GRIA2: variants seen among roughly 807,000 people sequenced by gnomAD.
GRIA2 encodes the protein glutamate receptor 2.
Under a neutral mutation model 97.3 loss-of-function variants are expected in GRIA2, and 14 were observed. The ratio of observed to expected loss-of-function variants is 0.14; its 90% CI spans 0.10 to 0.23. The LOEUF (loss-of-function observed/expected upper bound fraction) is 0.23. Ranked by LOEUF, GRIA2 falls within the 10% of genes least tolerant of loss-of-function variation. The probability of loss-of-function intolerance (pLI) is 1.00; values close to 1 mark genes in which losing one functional copy is unlikely to be tolerated. For synonymous variants in GRIA2, 412 were observed against 387.8 expected, an observed-to-expected ratio of 1.06 and a Z score of -0.73; for missense variants, 558 against 1,069.8, an observed-to-expected ratio of 0.52 and a Z score of 6.67.
At chr4:157,257,986 A>G (rs1460853573) in intron 2 of GRIA2, among the ~76,000 whole-genome samples, 1 of 152,096 alleles carries the variant, frequency 6.6e-6, no homozygotes, top group Non-Finnish European at 1.5e-5. Context: ...TTTCATGGAC[A>G]TTTATCACTT....
At chr4:157,261,291 A>G (rs1019205201) in intron 2 of GRIA2, among the ~76,000 whole-genome samples, 2 of 152,152 alleles carry the variant, frequency 1.3e-5, no homozygotes, top group African/African-American at 4.8e-5. Context: ...TATTCAGAAT[A>G]TGAGTATGCT....
At chr4:157,247,056 A>G (rs1164328183) in intron 2 of GRIA2, among the ~76,000 whole-genome samples, 1 of 152,186 alleles carries the variant, frequency 6.6e-6, no homozygotes, top group African/African-American at 2.4e-5. Flanking sequence ...TCATCAAGAT[A>G]AAGATGACAG....
chr4:157,305,616 C>T lies in GRIA2; in HGVS notation c.469+1825C>T, dbSNP rs143316302. 3.0e-4 allele frequency among the ~76,000 whole-genome samples: 45 copies of T among 152,194 alleles called. 2 individuals are homozygous for T. In the East Asian group the frequency reaches 8.5e-3, roughly 29 times the overall value. ...AATCCATTTGACCTTCTTTCACTTT[C>T]TCAGATGCACCAAACTCTTTCACTT... On this transcript the variant is annotated intron_variant, in intron 3 of 15. Transcript: ENST00000264426.
chr4:157,327,094 C>A (rs915607805), intron 6 of GRIA2, among the ~76,000 whole-genome samples: 1 of 152,082 alleles, frequency 6.6e-6, no homozygotes, highest in African/African-American at 2.4e-5. Flanking sequence ...AAATCGTAAT[C>A]ATTCATAGGT....
chr4:157,288,787 T>C (rs1314687955), intron 2 of GRIA2, among the ~76,000 whole-genome samples: 1 of 151,800 alleles, frequency 6.6e-6, no homozygotes, highest in East Asian at 1.9e-4. Flanking sequence ...ATTTCTATAT[T>C]CAGTAGTTTT....
intron 6 of GRIA2, among the ~76,000 whole-genome samples, chr4:157,332,520 C>G (rs1361201060): frequency 9.2e-6 from 1 of 108,508 alleles, no homozygotes; most frequent in Admixed American, 1.1e-4. Flanking sequence ...TAACAAGAAG[C>G]AGGTTAGAAA....
At chr4:157,234,285 A>G (rs1289735340) in intron 2 of GRIA2, among the ~76,000 whole-genome samples, 1 of 152,096 alleles carries the variant, frequency 6.6e-6, no homozygotes, top group Admixed American at 6.6e-5. Context: ...TTATAGGTGC[A>G]TGGAAGGGAA....
At chr4:157,222,365 G>A (rs1487948076) in intron 2 of GRIA2, among the ~76,000 whole-genome samples, 1 of 152,204 alleles carries the variant, frequency 6.6e-6, no homozygotes, top group Non-Finnish European at 1.5e-5. Flanking sequence ...TCCTCTTTGG[G>A]ACAAGTTGTT....
rs76207988 is a variant in GRIA2 at position 157,236,550 on chromosome 4, T to A, written c.229+14743T>A. Among the ~76,000 whole-genome samples, 1,271 of 152,176 alleles carry A rather than the reference T, an allele frequency of 8.4e-3. 6 individuals are homozygous for A. Among genetic ancestry groups the A allele is most frequent in the Admixed American group, 0.016 (250 of 15,278 alleles). On this transcript the variant is annotated intron_variant, in intron 2 of 15. Transcript: ENST00000264426. ...TCTTTTAATAATATGTCCAAGTGGG[T>A]TTGTAGAATAGTTTGCTATGAGTGG...
chr4:157,283,704 T>G (rs1414343435), intron 2 of GRIA2, among the ~76,000 whole-genome samples: 7 of 151,976 alleles, frequency 4.6e-5, no homozygotes, highest in Admixed American at 4.6e-4. Flanking sequence ...CTTTGTGTTT[T>G]TCACTTTTAA....
chr4:157,293,502 C>T (rs554835488), intron 2 of GRIA2, among the ~76,000 whole-genome samples: 97 of 152,148 alleles, frequency 6.4e-4, no homozygotes, highest in African/African-American at 2.2e-3. Flanking sequence ...CAAACAAATT[C>T]GACTCTTACT....
Position 157,317,647 on chromosome 4 carries a change from G to A in GRIA2, c.667-11G>A, listed in dbSNP as rs374208847. On this transcript the variant is annotated splice_polypyrimidine_tract_variant and intron_variant, in intron 4 of 15. Transcript: ENST00000264426. ...GTATTAATTAAATAATTACTTATTT[G>A]TGCTTATTAGGTTATTACCATTGGA... 31 of 982,710 alleles carry A rather than the reference G, an allele frequency of 3.2e-5. No individual in the cohort carries two copies. Among genetic ancestry groups the A allele is most frequent in the Non-Finnish European group, 4.2e-5 (26 of 625,036 alleles). The allele number at this position is 982,710 out of a possible 1,614,324, so 60.9% of individuals were successfully genotyped here.
intron 2 of GRIA2, among the ~76,000 whole-genome samples, chr4:157,281,441 T>C (rs1023428715): frequency 2.6e-5 from 4 of 152,082 alleles, no homozygotes; most frequent in African/African-American, 9.7e-5. Flanking sequence ...ACTATTTGTA[T>C]GCATTTTAGT....
chr4:157,299,362 G>A (rs530787125), intron 2 of GRIA2, among the ~76,000 whole-genome samples: 1 of 152,204 alleles, frequency 6.6e-6, no homozygotes, highest in South Asian at 2.1e-4. Flanking sequence ...AGAATTCCTT[G>A]GTGATGCAGC....
At chr4:157,281,878 G>T (rs990809221) in intron 2 of GRIA2, among the ~76,000 whole-genome samples, 3 of 152,094 alleles carry the variant, frequency 2.0e-5, no homozygotes, top group Admixed American at 2.0e-4. Context: ...AAATTGAACA[G>T]GTCTCTCTTT....
At chr4:157,327,627 C>A (rs1031494668) in intron 6 of GRIA2, among the ~76,000 whole-genome samples, 2 of 151,934 alleles carry the variant, frequency 1.3e-5, no homozygotes, top group Admixed American at 6.6e-5. Flanking sequence ...GTATGACTAG[C>A]CATTCTACCT....
At chr4:157,362,754 A>T in intron 14 of GRIA2, 45 bp from the exon 15 acceptor site, 1 of 1,549,138 alleles carries the variant, frequency 6.5e-7, no homozygotes, top group Non-Finnish European at 8.8e-7. Flanking sequence ...TCTTCTATTC[A>T]CCAGTTTGCC....
intron 2 of GRIA2, among the ~76,000 whole-genome samples, chr4:157,273,575 T>A (rs1272941619): frequency 2.0e-5 from 3 of 151,914 alleles, no homozygotes; most frequent in Non-Finnish European, 4.4e-5. Context: ...TCAAAAACAC[T>A]GTAAGAGAAA....
intron 12 of GRIA2, among the ~76,000 whole-genome samples, chr4:157,351,681 G>A (rs182656634): frequency 2.0e-5 from 3 of 152,196 alleles, no homozygotes; most frequent in African/African-American, 7.2e-5. Flanking sequence ...TCAAGGAAGA[G>A]ACCAAGTGGA....
Sources: gnomAD v4.1 joint callset for allele counts (sites outside exome capture counted in the v4.1 genomes callset) on GRCh38, gnomAD v4.1.1 for gene constraint, MANE v1.5 for transcripts, NCBI Gene and HGNC (gene_info 2026-07-23, HGNC 2026-07-21) for gene names.